Variants in TMEM63A observed in about 807,000 individuals in gnomAD.
TMEM63A encodes the protein transmembrane protein 63A.
In TMEM63A, 76 loss-of-function variants were observed where a neutral mutation model predicts 100.6. The ratio of observed to expected loss-of-function variants is 0.76; its 90% CI spans 0.63 to 0.91. The LOEUF is 0.91. Among genes scored for constraint, TMEM63A ranks in the 40% least tolerant of loss-of-function variants. The pLI, the probability that TMEM63A is intolerant of heterozygous loss-of-function variation, is 0.00. For missense variants in TMEM63A, 876 were observed against 1,008.8 expected (o/e 0.87, Z 1.78); for synonymous variants, 401 against 401.1 (o/e 1.00, Z 0.00).
chr1:225,859,450 T>C, intron 14 of TMEM63A, 101 bp from the exon 15 acceptor site: 1 of 1,431,624 alleles, frequency 7.0e-7, no homozygotes, highest in Non-Finnish European at 9.5e-7. Context: ...GAGACTAGCC[T>C]GGGGGCAAGT....
intron 1 of TMEM63A, among the ~76,000 whole-genome samples, chr1:225,879,622 C>T (rs1393900635): frequency 6.6e-6 from 1 of 152,210 alleles, no homozygotes; most frequent in Non-Finnish European, 1.5e-5. Context: ...GACCCTACTC[C>T]TCCTTCCTCG....
Position 225,862,114 on chromosome 1 carries a change from G to A in TMEM63A, c.1085+104C>T. The stretch of plus-strand genomic sequence containing the variant: ...AGGAAACACCACAGATAAATCCCAG[G>A]GATGGTGGGTCAGCAGTACCATCTC... On this transcript the variant is annotated intron_variant, in intron 13 of 24. Coordinates refer to ENST00000366835, the MANE Select transcript of TMEM63A (RefSeq NM_014698.3). The surrounding 1 kb of genome is among the most constrained non-coding windows in gnomAD (Gnocchi z 5.1). 1 of 1,500,108 alleles carries A rather than the reference G, an allele frequency of 6.7e-7. No individual in the cohort carries two copies. Among genetic ancestry groups the A allele is most frequent in the Non-Finnish European group, 9.0e-7 (1 of 1,108,174 alleles). 92.9% of individuals were successfully genotyped at this position (1,500,108 alleles called of 1,614,324 possible). A position where few individuals can be genotyped will look rare whatever the true frequency, so the allele number is the denominator to read the frequency against.
At chr1:225,880,340 A>C (rs563874078) in intron 1 of TMEM63A, among the ~76,000 whole-genome samples, 55 of 152,156 alleles carry the variant, frequency 3.6e-4, no homozygotes, top group African/African-American at 1.2e-3. Context: ...CTGGCTCTCC[A>C]TGGGACAGCT....
intron 20 of TMEM63A, 70 bp from the exon 21 acceptor site, chr1:225,850,149 CG>C (rs1412288678): frequency 2.5e-5 from 39 of 1,559,094 alleles, no homozygotes; most frequent in Non-Finnish European, 1.1e-5. Context: ...TCTTCCTCTC[CG>C]GGGCGGCTAT....
At position 225,872,025 on chromosome 1, in the gene TMEM63A, T is replaced by C. The variant is rs1287720222; in HGVS notation, c.295A>G (p.Thr99Ala). 2 of 1,611,944 alleles carry C rather than the reference T, an allele frequency of 1.2e-6. No homozygotes were observed. The highest frequency in any genetic ancestry group is 1.3e-5 in the African/African-American group (1 of 74,306). Residue 99 changes from threonine to alanine, a missense_variant, in exon 5 of 25, where the codon ACT becomes GCT. By Grantham distance (58) the Thr-to-Ala change is moderately conservative. Around this residue, in one of 5 missense-constraint regions of TMEM63A, gnomAD observed 487 missense variants for 581.9 expected, o/e 0.84. Transcript: ENST00000366835. Reference sequence around the variant, plus strand: ...AAGTCTTGTTGACCTGAGGAGGAAGTCGATGACAATCTCTGAAATCTGGAC... The same window carrying C: ...AAGTCTTGTTGACCTGAGGAGGAAGCCGATGACAATCTCTGAAATCTGGAC... ...SESRFQRLSSTSSSGQQDFEN... is the reference protein window; with the variant it reads ...SESRFQRLSSASSSGQQDFEN...
rs1004248675 is a variant in TMEM63A at position 225,853,882 on chromosome 1, T to C, written c.1635-91A>G. On this transcript the variant is annotated intron_variant, in intron 18 of 24. Transcript: ENST00000366835. This position sits in a 1 kb window ranked among gnomAD's most constrained non-coding sequence, Gnocchi z 4.0. ...AGGCTGGGCAGGAGCAGAAAGCCCC[T>C]GGGAGGGCTGTATACTCTTCCGTTC... 86 of 1,298,686 alleles carry C rather than the reference T, an allele frequency of 6.6e-5. No individual in the cohort carries two copies. Among genetic ancestry groups the C allele is most frequent in the Non-Finnish European group, 8.4e-5 (81 of 961,946 alleles). The allele number at this position is 1,298,686 out of a possible 1,614,324, so 80.4% of individuals were successfully genotyped here. A position where few individuals can be genotyped will look rare whatever the true frequency, so the allele number is the denominator to read the frequency against.
intron 1 of TMEM63A, 117 bp downstream of exon 1, chr1:225,882,187 C>CG (rs1197678798): frequency 6.6e-6 from 1 of 152,466 alleles, no homozygotes; most frequent in Admixed American, 6.5e-5. Context: ...TGCTTGGGGT[C>CG]GGGGGCTCTG....
Position 225,859,452 on chromosome 1 carries a change from G to A in TMEM63A, c.1224-103C>T, listed in dbSNP as rs140455255. 31 of 1,426,694 alleles carry A rather than the reference G, an allele frequency of 2.2e-5. No homozygotes were observed. In the South Asian group the frequency reaches 4.0e-4, roughly 19 times the overall value. 88.4% of individuals were successfully genotyped at this position (1,426,694 alleles called of 1,614,324 possible). A position where few individuals can be genotyped will look rare whatever the true frequency, so the allele number is the denominator to read the frequency against. ...TTAGGCAGACCAAGAGACTAGCCTG[G>A]GGGCAAGTTCTCTGCACTGACCTTC... On this transcript the variant is annotated intron_variant, in intron 14 of 24. Transcript: ENST00000366835.
chr1:225,867,819 G>T lies in TMEM63A; in HGVS notation c.514+69C>A. 6.3e-7 allele frequency: 1 copy of T among 1,597,224 alleles called. No individual in the cohort carries two copies. Among genetic ancestry groups the T allele is most frequent in the Non-Finnish European group, 8.5e-7 (1 of 1,169,814 alleles). On this transcript the variant is annotated intron_variant, in intron 7 of 24. Transcript: ENST00000366835. The surrounding 1 kb of genome is among the most constrained non-coding windows in gnomAD (Gnocchi z 4.6). Reference sequence around the variant, plus strand: ...ACTCCTGGGGTTCTGGTCTACCACAGTGAGCCCTTTCCCTAGGACTGCCAC... The same window carrying T: ...ACTCCTGGGGTTCTGGTCTACCACATTGAGCCCTTTCCCTAGGACTGCCAC...
chr1:225,877,279 G>A, intron 3 of TMEM63A, 116 bp downstream of exon 3: 2 of 1,204,316 alleles, frequency 1.7e-6, no homozygotes, highest in South Asian at 1.6e-5. Context: ...AAGCAGCAGA[G>A]TTGAGATTTA....
chr1:225,873,974 TTTTG>T (rs1312887200), intron 4 of TMEM63A, among the ~76,000 whole-genome samples: 1 of 152,120 alleles, frequency 6.6e-6, no homozygotes, highest in African/African-American at 2.4e-5. Context: ...GAGCCTGGGT[TTTTG>T]TTTTTGTTTT....
At position 225,847,145 on chromosome 1, in the gene TMEM63A, C is replaced by T. The variant is rs1403479669; in HGVS notation, c.2319G>A (p.Gln773=). The T allele has an allele frequency of 6.2e-7, 1 of 1,613,508 alleles. No homozygotes were observed. The highest frequency in any genetic ancestry group is 1.7e-5 in the Admixed American group (1 of 60,032). ...ERTALSPQQQ[Q]QQTYGAIHNI... is the part of the protein sequence containing the mutation. Reference sequence around the variant, plus strand: ...TGTGGATGGCACCATAGGTCTGCTGCTGCTGCTGCTGCGGAGACAGTGCTG... The same window carrying T: ...TGTGGATGGCACCATAGGTCTGCTGTTGCTGCTGCTGCGGAGACAGTGCTG... Residue 773 remains glutamine, a synonymous_variant, in exon 24 of 25, where the codon CAG becomes CAA. Coordinates refer to ENST00000366835, the MANE Select transcript of TMEM63A (RefSeq NM_014698.3).
intron 20 of TMEM63A, among the ~76,000 whole-genome samples, chr1:225,852,257 G>A (rs1461786099): frequency 6.6e-6 from 1 of 152,244 alleles, no homozygotes; most frequent in Non-Finnish European, 1.5e-5. Context: ...GGCTGAGGCG[G>A]GTGGATCACC....
chr1:225,854,322 C>G (rs1340526710), intron 18 of TMEM63A, among the ~76,000 whole-genome samples: 1 of 152,172 alleles, frequency 6.6e-6, no homozygotes, highest in African/African-American at 2.4e-5. Flanking sequence ...TGGGGGCCAG[C>G]CCAGGACAAG....
At chr1:225,850,774 C>G (rs551715937) in intron 20 of TMEM63A, among the ~76,000 whole-genome samples, 1 of 152,038 alleles carries the variant, frequency 6.6e-6, no homozygotes, top group African/African-American at 2.4e-5. Flanking sequence ...TGCAGTGGTG[C>G]GATCTCGGCT....
At chr1:225,870,502 T>C (rs1670457887) in intron 6 of TMEM63A, among the ~76,000 whole-genome samples, 1 of 151,596 alleles carries the variant, frequency 6.6e-6, no homozygotes, top group South Asian at 2.1e-4. Flanking sequence ...TGGCTCTTAA[T>C]CACCTTTAAT....
intron 6 of TMEM63A, among the ~76,000 whole-genome samples, chr1:225,869,666 C>CTTTTCTTTTTTTTTT (rs76862516): frequency 2.7e-5 from 3 of 109,910 alleles, no homozygotes; most frequent in Non-Finnish European, 5.2e-5. Context: ...CTTTTCTTTT[C>CTTTTCTTTTTTTTTT]TTTTTTTTTT....
chr1:225,872,515 C>T (rs1311616567), intron 4 of TMEM63A, among the ~76,000 whole-genome samples: 3 of 152,048 alleles, frequency 2.0e-5, no homozygotes, highest in African/African-American at 7.2e-5. Context: ...AACAAGATGC[C>T]TTCCAATTTC....
intron 4 of TMEM63A, among the ~76,000 whole-genome samples, chr1:225,873,240 T>C (rs1670608288): frequency 6.6e-6 from 1 of 152,016 alleles, no homozygotes; most frequent in South Asian, 2.1e-4. Context: ...TCAACCAGAG[T>C]ACATGGCCCC....
Sources: gnomAD v4.1 joint callset for allele counts (sites outside exome capture counted in the v4.1 genomes callset) on GRCh38, gnomAD v4.1.1 for gene constraint, gnomAD v4.1.1 regional missense constraint, Gnocchi (gnomAD v3.1) non-coding constraint, MANE v1.5 for transcripts, NCBI Gene and HGNC (gene_info 2026-07-23, HGNC 2026-07-21) for gene names.